The following LYAR variants were observed in gnomAD, a reference collection of about 807,000 sequenced individuals.
The protein encoded by LYAR is cell growth-regulating nucleolar protein.
LYAR carries 37 observed loss-of-function variants against 45.2 expected under a neutral mutation model. That is an observed-to-expected ratio of 0.82 (90% CI 0.63 to 1.08). The LOEUF (loss-of-function observed/expected upper bound fraction) is 1.08. Ranked by LOEUF, LYAR falls within the 50% of genes least tolerant of loss-of-function variation. LYAR has a pLI of 0.00. For missense variants in LYAR, 493 were observed against 451.0 expected (o/e 1.09, Z -0.84); for synonymous variants, 176 against 155.1 (o/e 1.14, Z -1.00).
chr4:4,271,385 A>G (rs997779026), intron 8 of LYAR, among the ~76,000 whole-genome samples: 1 of 152,196 alleles, frequency 6.6e-6, no homozygotes, highest in African/African-American at 2.4e-5. Context: ...CGCTGTGTAC[A>G]TGCACCACAT....
At position 4,281,809 on chromosome 4, in the gene LYAR, C is replaced by T. The variant is rs1244909884; in HGVS notation, c.211G>A (p.Asp71Asn). 10 of 1,613,968 alleles carry T rather than the reference C, an allele frequency of 6.2e-6. No individual in the cohort carries two copies. Among genetic ancestry groups the T allele is most frequent in the African/African-American group, 4.0e-5 (3 of 74,926 alleles). The change falls in exon 4 of 10, where the codon GAC (aspartate) becomes AAC (asparagine). Residue 71 changes from aspartate to asparagine, a missense_variant. Coordinates refer to ENST00000343470, the MANE Select transcript of LYAR (RefSeq NM_017816.3). ...TGAATCCACGCCTGCTGTTTGATGT[C>T]GCCTTTGTGGGTTTTACCTTCATAG... ...KGYEGKTHKG[D>N]IKQQAWIQKI...
chr4:4,282,829 T>C (rs1216686866), intron 3 of LYAR, among the ~76,000 whole-genome samples: 3 of 152,196 alleles, frequency 2.0e-5, no homozygotes, highest in African/African-American at 4.8e-5. Context: ...GAGCCTCACT[T>C]CCACCAGCAC....
intron 2 of LYAR, among the ~76,000 whole-genome samples, chr4:4,284,742 A>C (rs540499934): frequency 6.6e-6 from 1 of 152,340 alleles, no homozygotes; most frequent in African/African-American, 2.4e-5. Flanking sequence ...TAATCACTAG[A>C]TTTTAAAACA....
Position 4,283,780 on chromosome 4 carries a change from G to C in LYAR, c.-38C>G, listed in dbSNP as rs935364788. The C allele has an allele frequency of 3.9e-6, 6 of 1,553,274 alleles. No individual in the cohort carries two copies. The Admixed American group carries it at 1.1e-4, about 27-fold the overall frequency. On this transcript the variant is annotated 5_prime_UTR_variant, in exon 3 of 10. Coordinates refer to ENST00000343470, the MANE Select transcript of LYAR (RefSeq NM_017816.3). ...GGCTAAATATTCTCTATCCAAGACA[G>C]GTTTTAAGTCTTGTCCTAAGGAAAA...
rs1191422046 is a variant in LYAR at position 4,267,815 on chromosome 4, C to T, written c.*74G>A. On this transcript the variant is annotated 3_prime_UTR_variant, in exon 10 of 10. Coordinates refer to ENST00000343470, the MANE Select transcript of LYAR (RefSeq NM_017816.3). Reference sequence around the variant, plus strand: ...AAGCAAAATTTGAGTTGTTAGAATTCATTACACATTTTATAAACAGCAGTG... The same window carrying T: ...AAGCAAAATTTGAGTTGTTAGAATTTATTACACATTTTATAAACAGCAGTG... 1.6e-6 allele frequency: 2 copies of T among 1,264,340 alleles called. No homozygotes were observed. Among genetic ancestry groups the T allele is most frequent in the Non-Finnish European group, 2.1e-6 (2 of 956,440 alleles). The allele number at this position is 1,264,340 out of a possible 1,614,324, so 78.3% of individuals were successfully genotyped here. A position where few individuals can be genotyped will look rare whatever the true frequency, so the allele number is the denominator to read the frequency against.
At chr4:4,281,944 G>T (rs763035872) in intron 3 of LYAR, 47 bp from the exon 4 acceptor site, 14 of 1,248,374 alleles carry the variant, frequency 1.1e-5, no homozygotes. Context: ...ACCCAAGTTG[G>T]AGGCGCTAAT....
chr4:4,274,416 C>T lies in LYAR; in HGVS notation c.783G>A (p.Glu261=). Residue 261 remains glutamate (E), a synonymous_variant, in exon 7 of 10, where the codon GAG becomes GAA. Coordinates refer to ENST00000343470, the MANE Select transcript of LYAR (RefSeq NM_017816.3). ...KKKQRKDSAS[E]EEARVGAGKR... The stretch of plus-strand genomic sequence containing the variant: ...TCCCTGCGCCCACGCGTGCCTCTTC[C>T]TCACTGGCGCTGTCCTTGCGCTGCT... The T allele has an allele frequency of 6.2e-7, 1 of 1,613,964 alleles. No individual in the cohort carries two copies. Among genetic ancestry groups the T allele is most frequent in the South Asian group, 1.1e-5 (1 of 91,062 alleles).
At chr4:4,282,805 C>T (rs183344010) in intron 3 of LYAR, among the ~76,000 whole-genome samples, 29 of 152,284 alleles carry the variant, frequency 1.9e-4, no homozygotes, top group South Asian at 4.1e-4. Context: ...CTGACACACC[C>T]GTGGGGCCAG....
chr4:4,287,833 A>G (rs528378637), intron 1 of LYAR, among the ~76,000 whole-genome samples: 1 of 152,340 alleles, frequency 6.6e-6, no homozygotes, highest in Admixed American at 6.5e-5. Flanking sequence ...TATAAATATT[A>G]GAACCCTAAG....
At chr4:4,274,275 C>A in intron 7 of LYAR, 92 bp downstream of exon 7, 1 of 1,393,060 alleles carries the variant, frequency 7.2e-7, no homozygotes, top group Non-Finnish European at 9.7e-7. Flanking sequence ...CACACACGCA[C>A]ACAAAACGCT....
Position 4,268,418 on chromosome 4 carries a change from C to T in LYAR, c.1005+112G>A, listed in dbSNP as rs530462957. On this transcript the variant is annotated intron_variant, in intron 9 of 9. Coordinates refer to ENST00000343470, the MANE Select transcript of LYAR (RefSeq NM_017816.3). ...GAGCAGCTTGAAAATCACTGAGACA[C>T]ACACACAGATTTTCAGTGTTTTAGG... 33 of 744,978 alleles carry T rather than the reference C, an allele frequency of 4.4e-5. No individual in the cohort carries two copies. The South Asian group carries it at 6.1e-4, about 14-fold the overall frequency. The allele number at this position is 744,978 out of a possible 1,614,324, so 46.1% of individuals were successfully genotyped here.
chr4:4,271,823 G>C (rs1718947708), intron 8 of LYAR, among the ~76,000 whole-genome samples: 1 of 152,190 alleles, frequency 6.6e-6, no homozygotes, highest in African/African-American at 2.4e-5. Context: ...TTAATAACCA[G>C]AGACTAGAAA....
intron 1 of LYAR, among the ~76,000 whole-genome samples, chr4:4,288,246 T>C (rs113607653): frequency 4.6e-5 from 7 of 152,258 alleles, no homozygotes; most frequent in African/African-American, 1.4e-4. Context: ...ACCTACTAAT[T>C]TGCACATCAA....
intron 3 of LYAR, among the ~76,000 whole-genome samples, chr4:4,282,115 C>A (rs1394384998): frequency 3.9e-5 from 6 of 152,212 alleles, no homozygotes; most frequent in African/African-American, 1.4e-4. Flanking sequence ...CATCACCAAA[C>A]TTTTCCCCCA....
At chr4:4,269,385 C>A (rs914579762) in intron 8 of LYAR, among the ~76,000 whole-genome samples, 3 of 152,334 alleles carry the variant, frequency 2.0e-5, no homozygotes, top group African/African-American at 4.8e-5. Flanking sequence ...GCTCCACCCC[C>A]ACCCGCACCA....
chr4:4,275,198 C>A (rs1379245674), intron 6 of LYAR, among the ~76,000 whole-genome samples: 3 of 152,180 alleles, frequency 2.0e-5, no homozygotes, highest in African/African-American at 7.2e-5. Context: ...AGTCATTTAT[C>A]TTTTCCAAAC....
chr4:4,277,607 C>T lies in LYAR; in HGVS notation c.429+1840G>A, dbSNP rs114633004. On this transcript the variant is annotated intron_variant, in intron 6 of 9. Coordinates refer to ENST00000343470, the MANE Select transcript of LYAR (RefSeq NM_017816.3). Reference sequence around the variant, plus strand: ...TGTGATGCCCTGACTCTTTCCTAATCGAGCACCTCCTTCAGTCCTGGCCTC... The same window carrying T: ...TGTGATGCCCTGACTCTTTCCTAATTGAGCACCTCCTTCAGTCCTGGCCTC... 1.8e-3 allele frequency among the ~76,000 whole-genome samples: 277 copies of T among 152,324 alleles called. 1 individual carries two copies. The highest frequency in any genetic ancestry group is 6.4e-3 in the African/African-American group (266 of 41,562).
At chr4:4,278,343 A>G (rs1719272165) in intron 6 of LYAR, among the ~76,000 whole-genome samples, 1 of 152,206 alleles carries the variant, frequency 6.6e-6, no homozygotes, top group Admixed American at 6.5e-5. Context: ...TGTTTTTTGA[A>G]ACTGATATTT....
intron 8 of LYAR, 74 bp from the exon 9 acceptor site, chr4:4,268,689 CA>C: frequency 1.1e-6 from 1 of 930,266 alleles, no homozygotes; most frequent in Non-Finnish European, 1.7e-6. Context: ...ACAACTTCTG[CA>C]ACACCTATTT....
Sources: gnomAD v4.1 joint callset for allele counts (sites outside exome capture counted in the v4.1 genomes callset) on GRCh38, gnomAD v4.1.1 for gene constraint, MANE v1.5 for transcripts, NCBI Gene and HGNC (gene_info 2026-07-23, HGNC 2026-07-21) for gene names.